Variants in VXN observed in about 807,000 individuals in gnomAD.
VXN encodes the protein uncharacterized protein C8orf46.
In VXN, 7 loss-of-function variants were observed where a neutral mutation model predicts 23.1. The ratio of observed to expected loss-of-function variants is 0.30; its 90% CI spans 0.17 to 0.57. The LOEUF is 0.57. VXN is among the 20% of genes least tolerant of loss of function. The pLI is 0.91. For missense variants in VXN, 238 were observed against 272.6 expected (o/e 0.87, Z 0.89); for synonymous variants, 120 against 105.8 (o/e 1.13, Z -0.83).
At chr8:66,505,282 C>A in intron 2 of VXN, 93 bp from the exon 3 acceptor site, 1 of 1,476,248 alleles carries the variant, frequency 6.8e-7, no homozygotes, top group Non-Finnish European at 9.3e-7. Flanking sequence ...TCCCTCGATG[C>A]GAGCTCCATC....
chr8:66,496,562 C>A lies in VXN; in HGVS notation c.126+70C>A, dbSNP rs1554569897. ...AAAAAGCAATGCCAGGCTTCTTCTT[C>A]ACTCTCGCTCCCCAGCTCTCAGTGG... On this transcript the variant is annotated intron_variant, in intron 2 of 5. Transcript: ENST00000305454. The A allele has an allele frequency of 6.5e-6, 9 of 1,392,932 alleles. No individual in the cohort carries two copies. The South Asian group carries it at 9.2e-5, about 14-fold the overall frequency. 86.3% of individuals were successfully genotyped at this position (1,392,932 alleles called of 1,614,324 possible). A position where few individuals can be genotyped will look rare whatever the true frequency, so the allele number is the denominator to read the frequency against.
intron 3 of VXN, among the ~76,000 whole-genome samples, chr8:66,506,536 A>C (rs958565275): frequency 1.3e-5 from 2 of 152,072 alleles, no homozygotes; most frequent in African/African-American, 4.8e-5. Context: ...TATGCCCACA[A>C]CCTAAAGTTA....
chr8:66,516,204 T>C lies in VXN; in HGVS notation c.*128T>C. 1 of 775,124 alleles carries C rather than the reference T, an allele frequency of 1.3e-6. No individual in the cohort carries two copies. Among genetic ancestry groups the C allele is most frequent in the Non-Finnish European group, 1.9e-6 (1 of 515,214 alleles). 48.0% of individuals were successfully genotyped at this position (775,124 alleles called of 1,614,324 possible). A position where few individuals can be genotyped will look rare whatever the true frequency, so the allele number is the denominator to read the frequency against. On this transcript the variant is annotated 3_prime_UTR_variant, in exon 6 of 6. Coordinates refer to ENST00000305454, the MANE Select transcript of VXN (RefSeq NM_152765.4). Reference sequence around the variant, plus strand: ...GTCCAAACCCATTATCCTCCCTCACTCATTGATTACCCTGGGATAGGGCAC... The same window carrying C: ...GTCCAAACCCATTATCCTCCCTCACCCATTGATTACCCTGGGATAGGGCAC...
chr8:66,495,460 G>A (rs1340810455), intron 1 of VXN, among the ~76,000 whole-genome samples: 3 of 152,094 alleles, frequency 2.0e-5, no homozygotes, highest in African/African-American at 7.2e-5. Context: ...GATCATATGG[G>A]GAATAAATGA....
Position 66,506,416 on chromosome 8 carries a change from A to ATT in VXN, c.280+896_280+897dup, listed in dbSNP as rs534690802. On this transcript the variant is annotated intron_variant, in intron 3 of 5. Transcript: ENST00000305454. ...ACATTATAGTTTTACCTTGGATGCTATTTTTTTTTAATGGCTTCCACCCCA... is the reference window on the plus strand; with the variant it reads ...ACATTATAGTTTTACCTTGGATGCTATTTTTTTTTTTAATGGCTTCCACCCCA... 3.3e-5 allele frequency among the ~76,000 whole-genome samples: 5 copies of ATT among 150,068 alleles called. No individual in the cohort carries two copies. In the East Asian group the frequency reaches 9.7e-4, roughly 29 times the overall value.
intron 4 of VXN, among the ~76,000 whole-genome samples, chr8:66,512,834 C>T (rs543791499): frequency 6.1e-4 from 93 of 152,004 alleles, no homozygotes; most frequent in Non-Finnish European, 1.3e-3. Context: ...AGGGAGCACC[C>T]GCTGCTGGGA....
intron 5 of VXN, among the ~76,000 whole-genome samples, chr8:66,514,693 G>T (rs1807865699): frequency 6.6e-6 from 1 of 152,180 alleles, no homozygotes; most frequent in Admixed American, 6.5e-5. Flanking sequence ...ACCTCCCAAA[G>T]TGCTGGGATT....
intron 2 of VXN, among the ~76,000 whole-genome samples, chr8:66,504,797 G>C (rs1384937680): frequency 6.6e-6 from 1 of 152,124 alleles, no homozygotes; most frequent in Non-Finnish European, 1.5e-5. Context: ...CTGGGAAGTG[G>C]GGACGCGGGT....
At chr8:66,505,318 A>G in intron 2 of VXN, 57 bp from the exon 3 acceptor site, 1 of 1,554,688 alleles carries the variant, frequency 6.4e-7, no homozygotes, top group Non-Finnish European at 8.7e-7. Flanking sequence ...CTGGGGTTCC[A>G]TGGGTCCCTA....
intron 5 of VXN, 26 bp from the exon 6 acceptor site, chr8:66,515,867 C>T (rs1461615322): frequency 2.6e-6 from 4 of 1,530,616 alleles, no homozygotes; most frequent in Non-Finnish European, 2.6e-6. Context: ...GACCACCCTC[C>T]CCACCCACTC....
In VXN at chr8:66,496,502, C is replaced by G. The variant is rs1276674832; in HGVS notation, c.126+10C>G. 1 of 1,613,530 alleles carries G rather than the reference C, an allele frequency of 6.2e-7. No individual in the cohort carries two copies. The highest frequency in any genetic ancestry group is 8.5e-7 in the Non-Finnish European group (1 of 1,179,452). ...CCTCTTGACCAAGAATGTAAGGAAA[C>G]TTTAGTTTTGATGTTCTTTGGTTGA... On this transcript the variant is annotated intron_variant, in intron 2 of 5. Coordinates refer to ENST00000305454, the MANE Select transcript of VXN (RefSeq NM_152765.4).
chr8:66,506,608 G>A (rs563622083), intron 3 of VXN, among the ~76,000 whole-genome samples: 10 of 152,008 alleles, frequency 6.6e-5, no homozygotes, highest in Non-Finnish European at 1.0e-4. Flanking sequence ...GAAAGCCTTC[G>A]GGCGTTGGCA....
chr8:66,497,030 G>T (rs1049475550), intron 2 of VXN, among the ~76,000 whole-genome samples: 1 of 152,058 alleles, frequency 6.6e-6, no homozygotes, highest in Non-Finnish European at 1.5e-5. Flanking sequence ...GACTACAGGC[G>T]CACGCCAGCA....
chr8:66,505,643 C>T lies in VXN; in HGVS notation c.280+115C>T. 16 of 1,278,122 alleles carry T rather than the reference C, an allele frequency of 1.3e-5. No homozygotes were observed. In the South Asian group the frequency reaches 2.8e-4, roughly 22 times the overall value. 79.2% of individuals were successfully genotyped at this position (1,278,122 alleles called of 1,614,324 possible). A position where few individuals can be genotyped will look rare whatever the true frequency, so the allele number is the denominator to read the frequency against. The stretch of plus-strand genomic sequence containing the variant: ...GCGGTGGCTGCGGCCTCAGTCGCGC[C>T]AGGTGACCAAGCACCTGTGCTTTCC... On this transcript the variant is annotated intron_variant, in intron 3 of 5. Coordinates refer to ENST00000305454, the MANE Select transcript of VXN (RefSeq NM_152765.4).
intron 4 of VXN, among the ~76,000 whole-genome samples, chr8:66,512,724 T>C (rs1426559246): frequency 6.6e-6 from 1 of 152,096 alleles, no homozygotes; most frequent in East Asian, 1.9e-4. Flanking sequence ...GCCACCAGCC[T>C]CAGGGAAGGC....
rs567880878 is a variant in VXN at position 66,499,079 on chromosome 8, G to A, written c.126+2587G>A. On this transcript the variant is annotated intron_variant, in intron 2 of 5. Coordinates refer to ENST00000305454, the MANE Select transcript of VXN (RefSeq NM_152765.4). ...CATTTCTCAAGAACCATGGGAAGGA[G>A]CAATGATTTTTTTTCTTCTGCAACA... 2.6e-5 allele frequency among the ~76,000 whole-genome samples: 4 copies of A among 151,688 alleles called. No homozygotes were observed. In the South Asian group the frequency reaches 6.2e-4, roughly 24 times the overall value.
At chr8:66,508,054 G>A (rs535005562) in intron 3 of VXN, among the ~76,000 whole-genome samples, 2 of 152,146 alleles carry the variant, frequency 1.3e-5, no homozygotes, top group Admixed American at 1.3e-4. Context: ...GGGAGAATTG[G>A]CTGCCTCCAG....
chr8:66,502,124 TC>T lies in VXN; in HGVS notation c.127-3249del, dbSNP rs753016811. 2.6e-5 allele frequency among the ~76,000 whole-genome samples: 4 copies of T among 152,302 alleles called. No homozygotes were observed. The East Asian group carries it at 7.7e-4, about 29-fold the overall frequency. On this transcript the variant is annotated intron_variant, in intron 2 of 5. Transcript: ENST00000305454. Reference sequence around the variant, plus strand: ...CTGATTCCTCTTGAATTGTATTTCTTCCAAATTCAAGGCAAAGCCTCACACT... The same window carrying T: ...CTGATTCCTCTTGAATTGTATTTCTTCAAATTCAAGGCAAAGCCTCACACT...
At chr8:66,495,355 G>A (rs1041915912) in intron 1 of VXN, among the ~76,000 whole-genome samples, 9 of 152,318 alleles carry the variant, frequency 5.9e-5, no homozygotes, top group African/African-American at 2.2e-4. Flanking sequence ...AGAGACTGCT[G>A]CCACTTCTGC....
Sources: gnomAD v4.1 joint callset for allele counts (sites outside exome capture counted in the v4.1 genomes callset) on GRCh38, gnomAD v4.1.1 for gene constraint, MANE v1.5 for transcripts, NCBI Gene and HGNC (gene_info 2026-07-23, HGNC 2026-07-21) for gene names.